Variants in DDX50 observed in about 807,000 individuals in gnomAD.
The protein encoded by DDX50 is DExD-box helicase 50, also known as ATP-dependent RNA helicase DDX50.
A neutral mutation model predicts 94.8 loss-of-function variants in DDX50; 56 were observed. The ratio of observed to expected loss-of-function variants is 0.59; its 90% confidence interval spans 0.48 to 0.74. DDX50 has a LOEUF of 0.74. Among genes scored for constraint, DDX50 ranks in the 30% least tolerant of loss-of-function variants. The pLI is 0.00. For synonymous variants in DDX50, 264 were observed against 295.4 expected, an observed-to-expected ratio of 0.89 and a Z score of 1.09; for missense variants, 713 against 881.2, an observed-to-expected ratio of 0.81 and a Z score of 2.42.
intron 8 of DDX50, among the ~76,000 whole-genome samples, chr10:68,922,561 A>G (rs1001882465): frequency 1.3e-5 from 2 of 152,012 alleles, no homozygotes; most frequent in Admixed American, 1.3e-4. Flanking sequence ...CTGGGATTCT[A>G]AGTTGAGGAT....
rs370419447 is a variant in DDX50, at chr10:68,934,821, G to A, written c.1424G>A (p.Arg475His). ...TAGGATGTTGAGTCCTATATCCATC[G>A]CTCTGGACGCACAGGTAGAGCTGGA... Reference protein sequence around the residue: ...PPQDVESYIHRSGRTGRAGRT... With the variant: ...PPQDVESYIHHSGRTGRAGRT... Residue 475 changes from arginine to histidine, a missense_variant, in exon 10 of 15, where the codon CGC becomes CAC. This residue lies in a region of DDX50 where 428 missense variants were observed against 602.3 expected (regional missense o/e 0.71). Transcript: ENST00000373585. The surrounding 1 kb of genome is among the most constrained non-coding windows in gnomAD (Gnocchi z 4.0). The A allele has an allele frequency of 1.2e-6, 2 of 1,611,146 alleles. No homozygotes were observed. The highest frequency in any genetic ancestry group is 2.2e-5 in the East Asian group (1 of 44,760).
intron 2 of DDX50, among the ~76,000 whole-genome samples, chr10:68,909,182 AGTTT>A (rs1841555672): frequency 6.6e-6 from 1 of 152,136 alleles, no homozygotes. Context: ...GCAGCATTGA[AGTTT>A]GTTTAAATGG....
At position 68,934,414 on chromosome 10, in the gene DDX50, T is replaced by TTTAA; in HGVS notation, c.1401+57_1401+60dup. The TTTAA allele has an allele frequency of 1.9e-6, 3 of 1,603,986 alleles. No homozygotes were observed. The highest frequency in any genetic ancestry group is 2.5e-6 in the Non-Finnish European group (3 of 1,176,496). ...ATAAGAGCAATTTTATAAATTCCCA[T>TTTAA]TTAATTTACAACATATTGCTTGGGA... is the stretch of plus-strand genomic sequence containing the variant. On this transcript the variant is annotated intron_variant, in intron 9 of 14. Coordinates refer to ENST00000373585, the MANE Select transcript of DDX50 (RefSeq NM_024045.2). This position sits in a 1 kb window ranked among gnomAD's most constrained non-coding sequence, Gnocchi z 4.0.
intron 1 of DDX50, among the ~76,000 whole-genome samples, chr10:68,904,057 T>A (rs1036822839): frequency 1.3e-5 from 2 of 151,242 alleles, no homozygotes; most frequent in Non-Finnish European, 2.9e-5. Flanking sequence ...GGCAGGAGAA[T>A]TGCTTGAACC....
chr10:68,913,953 A>T, intron 6 of DDX50, 106 bp from the exon 7 acceptor site: 1 of 1,157,736 alleles, frequency 8.6e-7, no homozygotes, highest in Non-Finnish European at 1.2e-6. Flanking sequence ...AATTCACCCC[A>T]AGTTTTACAT....
At chr10:68,909,951 C>T (rs1005995799) in intron 2 of DDX50, among the ~76,000 whole-genome samples, 22 of 152,088 alleles carry the variant, frequency 1.4e-4, no homozygotes, top group African/African-American at 4.1e-4. Context: ...CATGAGCCAC[C>T]GCACCTGGCC....
Position 68,919,814 on chromosome 10 carries a change from T to C in DDX50, c.1090-18T>C, listed in dbSNP as rs200542425. The C allele has an allele frequency of 1.8e-4, 286 of 1,605,534 alleles. 2 individuals are homozygous for C. The African/African-American group carries it at 3.6e-3, about 20-fold the overall frequency. On this transcript the variant is annotated intron_variant, in intron 7 of 14. Transcript: ENST00000373585. ...AATTTTAATGAAACAAATAATGTGGTATTTTCTTTCTTCAAAGCATTTGGC... is the reference window on the plus strand; with the variant it reads ...AATTTTAATGAAACAAATAATGTGGCATTTTCTTTCTTCAAAGCATTTGGC...
At chr10:68,939,638 G>A (rs1206508811) in intron 12 of DDX50, among the ~76,000 whole-genome samples, 1 of 152,036 alleles carries the variant, frequency 6.6e-6, no homozygotes, top group African/African-American at 2.4e-5. Context: ...TGTCTTGAAT[G>A]TTCTTCCCCT....
At chr10:68,925,921 C>T (rs973442584) in intron 8 of DDX50, among the ~76,000 whole-genome samples, 13 of 149,718 alleles carry the variant, frequency 8.7e-5, no homozygotes, top group Admixed American at 5.4e-4. Context: ...GGCCGAGGCA[C>T]GAGAATCACT....
intron 7 of DDX50, among the ~76,000 whole-genome samples, chr10:68,919,122 CTT>C (rs957502785): frequency 6.6e-6 from 1 of 152,156 alleles, no homozygotes; most frequent in Non-Finnish European, 1.5e-5. Flanking sequence ...TAAGTACACT[CTT>C]TGATGTTTGC....
At chr10:68,927,623 G>C (rs1406486968) in intron 8 of DDX50, among the ~76,000 whole-genome samples, 2 of 152,150 alleles carry the variant, frequency 1.3e-5, no homozygotes, top group African/African-American at 4.8e-5. Flanking sequence ...GGTATTTCAA[G>C]TATCTGCTTT....
chr10:68,940,378 TAAAA>T (rs75318772), intron 12 of DDX50, among the ~76,000 whole-genome samples: 123 of 134,094 alleles, frequency 9.2e-4, no homozygotes, highest in Non-Finnish European at 1.4e-3. Flanking sequence ...GACCCTGTCT[TAAAA>T]AAAAAAAAAA....
chr10:68,919,944 A>G lies in DDX50; in HGVS notation c.1202A>G (p.Asn401Ser). Residue 401 changes from asparagine (N) to serine (S), a missense_variant, in exon 8 of 15, where the codon AAT becomes AGT. Transcript: ENST00000373585. ...RAIIFCETKK[N>S]VTEMAMNPHI... ...ATTATTTTCTGTGAGACCAAGAAGA[A>G]TGTAACTGAAATGGCCATGAATCCA... The G allele has an allele frequency of 6.2e-7, 1 of 1,614,210 alleles. No individual in the cohort carries two copies. The highest frequency in any genetic ancestry group is 8.5e-7 in the Non-Finnish European group (1 of 1,180,032).
chr10:68,909,000 GTT>G (rs1180715767), intron 2 of DDX50, among the ~76,000 whole-genome samples: 1 of 151,722 alleles, frequency 6.6e-6, no homozygotes, highest in Non-Finnish European at 1.5e-5. Context: ...TTGTTTGTTT[GTT>G]TTTTATAGAG....
chr10:68,937,191 A>C (rs905688270), intron 12 of DDX50, 96 bp downstream of exon 12: 1 of 1,334,662 alleles, frequency 7.5e-7, no homozygotes, highest in Non-Finnish European at 9.9e-7. Flanking sequence ...TGTGCAGAAA[A>C]AAACTGTTTT....
At chr10:68,901,520 C>T (rs576711492) in intron 1 of DDX50, 49 bp downstream of exon 1, 4 of 1,529,556 alleles carry the variant, frequency 2.6e-6, no homozygotes, top group East Asian at 2.5e-5. Flanking sequence ...CCGGCTTGGG[C>T]GGGGAGGGGA....
intron 2 of DDX50, 120 bp from the exon 3 acceptor site, chr10:68,910,185 TCA>T: frequency 1.2e-6 from 1 of 819,564 alleles, no homozygotes; most frequent in Non-Finnish European, 1.9e-6. Flanking sequence ...GGACCCTGTT[TCA>T]AAAAAAAAAA....
intron 14 of DDX50, among the ~76,000 whole-genome samples, chr10:68,945,346 G>C (rs893833796): frequency 6.6e-6 from 1 of 151,060 alleles, no homozygotes; most frequent in African/African-American, 2.4e-5. Flanking sequence ...TCACTCTGTC[G>C]CCCAGGCTGG....
chr10:68,916,203 A>C (rs1239358956), intron 7 of DDX50, among the ~76,000 whole-genome samples: 1 of 151,910 alleles, frequency 6.6e-6, no homozygotes, highest in African/African-American at 2.4e-5. Context: ...AAAATACAAA[A>C]ATTGGCTGGG....
Sources: gnomAD v4.1 joint callset for allele counts (sites outside exome capture counted in the v4.1 genomes callset) on GRCh38, gnomAD v4.1.1 for gene constraint, gnomAD v4.1.1 regional missense constraint, Gnocchi (gnomAD v3.1) non-coding constraint, MANE v1.5 for transcripts, NCBI Gene and HGNC (gene_info 2026-07-23, HGNC 2026-07-21) for gene names.